The following CACNA1D variants were observed in gnomAD, a reference collection of about 807,000 sequenced individuals.
The protein encoded by CACNA1D is voltage-dependent L-type calcium channel subunit alpha-1D.
Under a neutral mutation model 257.1 loss-of-function variants are expected in CACNA1D, and 55 were observed. The observed-to-expected ratio is 0.21, with a 90% confidence interval of 0.17 to 0.27. CACNA1D has a LOEUF of 0.27. Among genes scored for constraint, CACNA1D ranks in the 10% least tolerant of loss-of-function variants. The probability of loss-of-function intolerance (pLI) is 1.00; values close to 1 mark genes in which losing one functional copy is unlikely to be tolerated. For synonymous variants in CACNA1D, 980 were observed against 1,014.9 expected (o/e 0.97, Z 0.65); for missense variants, 1,876 against 2,784.0 (o/e 0.67, Z 7.34).
rs374413467 is a variant in CACNA1D at position 53,772,989 on chromosome 3, C to G, written c.4110+91C>G. 214 of 1,114,070 alleles carry G rather than the reference C, an allele frequency of 1.9e-4. 2 individuals carry two copies. The East Asian group carries it at 2.5e-3, about 13-fold the overall frequency. 69.0% of individuals were successfully genotyped at this position (1,114,070 alleles called of 1,614,324 possible). ...GTACCCTGACCAAGTGAAGTAGAAG[C>G]ATTGTGATTTTTCAGCCAAATGCCT... On this transcript the variant is annotated intron_variant, in intron 33 of 47. Transcript: ENST00000350061.
chr3:53,707,294 C>T lies in CACNA1D; in HGVS notation c.1390+4484C>T, dbSNP rs187220926. Among the ~76,000 whole-genome samples the T allele has an allele frequency of 1.4e-3, 215 of 152,130 alleles. 1 individual carries two copies. Among genetic ancestry groups the T allele is most frequent in the African/African-American group, 5.1e-3 (211 of 41,510 alleles). ...TCTTGATTAATCTTGGGGTGGGAGC[C>T]AGGGGTGGCTCTTTTTCATTAAGGT... On this transcript the variant is annotated intron_variant, in intron 9 of 47. Coordinates refer to ENST00000350061, the MANE Select transcript of CACNA1D (RefSeq NM_001128840.3).
intron 3 of CACNA1D, among the ~76,000 whole-genome samples, chr3:53,523,050 C>T (rs549576620): frequency 3.9e-5 from 6 of 152,230 alleles, no homozygotes; most frequent in South Asian, 2.1e-4. Context: ...TTTCACTTAC[C>T]GTGATGGAAG....
At chr3:53,757,167 A>G (rs1487166924) in intron 29 of CACNA1D, among the ~76,000 whole-genome samples, 1 of 152,056 alleles carries the variant, frequency 6.6e-6, no homozygotes, top group Admixed American at 6.5e-5. Context: ...GAGCTTCTTC[A>G]TGATCTTCCT....
chr3:53,646,389 G>A (rs1330739793), intron 3 of CACNA1D, among the ~76,000 whole-genome samples: 1 of 152,090 alleles, frequency 6.6e-6, no homozygotes. Flanking sequence ...CCTGTTTTTT[G>A]TTTTTGTTTT....
At chr3:53,648,831 C>A (rs941001649) in intron 3 of CACNA1D, among the ~76,000 whole-genome samples, 1 of 117,914 alleles carries the variant, frequency 8.5e-6, no homozygotes, top group African/African-American at 4.5e-5. Flanking sequence ...ACTCTCAAAA[C>A]ACACACACAC....
chr3:53,698,709 T>C (rs2094594079), intron 8 of CACNA1D, among the ~76,000 whole-genome samples: 1 of 152,158 alleles, frequency 6.6e-6, no homozygotes. Context: ...TTCATTCCCA[T>C]CCCTTGTTTT....
At chr3:53,634,365 A>G (rs2093857027) in intron 3 of CACNA1D, among the ~76,000 whole-genome samples, 1 of 152,198 alleles carries the variant, frequency 6.6e-6, no homozygotes, top group Admixed American at 6.5e-5. Context: ...CCTATGCCTG[A>G]ATTAACGGGA....
At chr3:53,644,011 G>A (rs1368799367) in intron 3 of CACNA1D, among the ~76,000 whole-genome samples, 3 of 152,050 alleles carry the variant, frequency 2.0e-5, no homozygotes, top group African/African-American at 7.2e-5. Context: ...TAGTGGGAAG[G>A]GACATTTAAT....
In CACNA1D at chr3:53,668,081, G is replaced by A. The variant is rs571509395; in HGVS notation, c.1116+1546G>A. ...TTGAAGTTTTTCATAAATAGAAAAA[G>A]CATCATCAAAATAGCCCAAACTGAT... On this transcript the variant is annotated intron_variant, in intron 7 of 47. Transcript: ENST00000350061. 4.6e-5 allele frequency among the ~76,000 whole-genome samples: 7 copies of A among 152,150 alleles called. No homozygotes were observed. In the East Asian group the frequency reaches 1.2e-3, roughly 25 times the overall value.
At chr3:53,635,780 A>C (rs2093875930) in intron 3 of CACNA1D, among the ~76,000 whole-genome samples, 1 of 152,090 alleles carries the variant, frequency 6.6e-6, no homozygotes, top group African/African-American at 2.4e-5. Flanking sequence ...TTCCCGTATA[A>C]ACTTGCAACC....
intron 3 of CACNA1D, among the ~76,000 whole-genome samples, chr3:53,562,139 G>T (rs1046865268): frequency 7.9e-5 from 12 of 152,120 alleles, no homozygotes; most frequent in Non-Finnish European, 8.8e-5. Context: ...TTCTCAACTG[G>T]CATTACCCTC....
At chr3:53,617,311 A>G (rs2093648451) in intron 3 of CACNA1D, among the ~76,000 whole-genome samples, 1 of 152,024 alleles carries the variant, frequency 6.6e-6, no homozygotes, top group Admixed American at 6.6e-5. Context: ...GGAGGTAGTG[A>G]GGGGAGGCAG....
chr3:53,688,189 C>G (rs947573151), intron 8 of CACNA1D, among the ~76,000 whole-genome samples: 1 of 152,224 alleles, frequency 6.6e-6, no homozygotes, highest in Non-Finnish European at 1.5e-5. Flanking sequence ...GCTTCAGTCT[C>G]CACAGACTCG....
chr3:53,580,236 A>C (rs935362119), intron 3 of CACNA1D, among the ~76,000 whole-genome samples: 1 of 152,190 alleles, frequency 6.6e-6, no homozygotes, highest in African/African-American at 2.4e-5. Flanking sequence ...CCATAAGGTT[A>C]GTGAGGTAAA....
intron 3 of CACNA1D, among the ~76,000 whole-genome samples, chr3:53,515,526 G>A (rs2091297661): frequency 6.6e-6 from 1 of 152,186 alleles, no homozygotes; most frequent in Non-Finnish European, 1.5e-5. Context: ...GTGTGGGGCA[G>A]TTGAATGACT....
intron 8 of CACNA1D, among the ~76,000 whole-genome samples, chr3:53,674,468 T>A (rs969130344): frequency 2.0e-5 from 3 of 152,228 alleles, no homozygotes; most frequent in Non-Finnish European, 4.4e-5. Flanking sequence ...CCCATGGCCT[T>A]ACAGAGACCC....
At chr3:53,527,141 A>G (rs1049865670) in intron 3 of CACNA1D, among the ~76,000 whole-genome samples, 2 of 152,258 alleles carry the variant, frequency 1.3e-5, no homozygotes, top group African/African-American at 4.8e-5. Flanking sequence ...AGCAGGTATC[A>G]CAATTCCTGT....
Position 53,678,222 on chromosome 3 carries a change from C to A in CACNA1D, c.1220+5096C>A, listed in dbSNP as rs971351509. ...CCTGGGCTTGCTTTAAAGAATAGAT[C>A]AAAATCATTTATAATTCGCTTATGA... is the stretch of plus-strand genomic sequence containing the variant. On this transcript the variant is annotated intron_variant, in intron 8 of 47. Coordinates refer to ENST00000350061, the MANE Select transcript of CACNA1D (RefSeq NM_001128840.3). Among the ~76,000 whole-genome samples, 4 of 152,168 alleles carry A rather than the reference C, an allele frequency of 2.6e-5. No homozygotes were observed. The South Asian group carries it at 8.3e-4, about 32-fold the overall frequency.
chr3:53,745,586 T>C (rs770485144), intron 23 of CACNA1D, 38 bp from the exon 24 acceptor site: 41 of 1,407,444 alleles, frequency 2.9e-5, no homozygotes, highest in Non-Finnish European at 3.7e-5. Context: ...AAGGCCAAAA[T>C]CACAAAGAAG....
Sources: allele counts gnomAD v4.1 joint callset (sites outside exome capture counted in the v4.1 genomes callset), GRCh38; gene constraint gnomAD v4.1.1; transcripts MANE v1.5; gene names NCBI Gene and HGNC (gene_info 2026-07-23, HGNC 2026-07-21).